Variants in DLGAP4 observed in about 807,000 individuals in gnomAD.
DLGAP4 encodes the protein DLG associated protein 4, also known as disks large-associated protein 4.
Under a neutral mutation model 86.9 loss-of-function variants are expected in DLGAP4, and 18 were observed. The ratio of observed to expected loss-of-function variants is 0.21; its 90% confidence interval spans 0.14 to 0.31. DLGAP4 has a LOEUF of 0.31. DLGAP4 is among the 10% of genes least tolerant of loss of function. The probability of loss-of-function intolerance (pLI) is 1.00; values close to 1 mark genes in which losing one functional copy is unlikely to be tolerated. For synonymous variants in DLGAP4, 548 were observed against 574.3 expected (o/e 0.95, Z 0.65); for missense variants, 1,085 against 1,362.6 (o/e 0.80, Z 3.21).
At chr20:36,422,600 G>A (rs1319890635) in intron 2 of DLGAP4, among the ~76,000 whole-genome samples, 2 of 152,184 alleles carry the variant, frequency 1.3e-5, no homozygotes, top group African/African-American at 4.8e-5. Flanking sequence ...TGAGTTTTGT[G>A]TCAGGAAGAG....
intron 7 of DLGAP4, among the ~76,000 whole-genome samples, chr20:36,454,680 C>T (rs1401892715): frequency 1.3e-5 from 2 of 152,206 alleles, no homozygotes; most frequent in Non-Finnish European, 2.9e-5. Context: ...TGAGCCCCCA[C>T]GTTGCTGAAG....
At chr20:36,349,168 C>T (rs1295236304) in intron 1 of DLGAP4, among the ~76,000 whole-genome samples, 1 of 142,568 alleles carries the variant, frequency 7.0e-6, no homozygotes, top group African/African-American at 2.6e-5. Flanking sequence ...CCTGTAATCC[C>T]AGCACTTTGG....
chr20:36,505,865 C>G (rs2036341824), intron 10 of DLGAP4, among the ~76,000 whole-genome samples: 1 of 151,994 alleles, frequency 6.6e-6, no homozygotes, highest in Non-Finnish European at 1.5e-5. Flanking sequence ...CTCCTTGTCT[C>G]CACATTGAGT....
intron 10 of DLGAP4, among the ~76,000 whole-genome samples, chr20:36,506,498 A>G (rs2036379865): frequency 6.6e-6 from 1 of 152,322 alleles, no homozygotes; most frequent in Admixed American, 6.5e-5. Flanking sequence ...ATGGAGTCAC[A>G]TAGCTCATGT....
intron 8 of DLGAP4, chr20:36,499,176 G>A (rs1287224913): frequency 7.0e-7 from 1 of 1,432,080 alleles, no homozygotes; most frequent in South Asian, 1.2e-5. Flanking sequence ...GTGGCTTTGT[G>A]TGTGTGTGTG....
intron 2 of DLGAP4, among the ~76,000 whole-genome samples, chr20:36,397,798 A>G (rs1221048691): frequency 6.6e-6 from 1 of 152,170 alleles, no homozygotes; most frequent in Non-Finnish European, 1.5e-5. Flanking sequence ...TTTCTTTGGT[A>G]TTCGTTGAGA....
At chr20:36,499,812 GCCCAGGCAT>G in intron 9 of DLGAP4, 136 bp downstream of exon 9, 2 of 480,010 alleles carry the variant, frequency 4.2e-6, no homozygotes, top group Non-Finnish European at 7.7e-6. Flanking sequence ...GCGGGTGGTG[GCCCAGGCAT>G]GGGAGGCTGG....
intron 2 of DLGAP4, among the ~76,000 whole-genome samples, chr20:36,427,803 C>T (rs550594983): frequency 7.3e-5 from 11 of 151,544 alleles, no homozygotes; most frequent in South Asian, 2.1e-4. Flanking sequence ...ATTAGCTGGG[C>T]GTGGTGGTGC....
intron 10 of DLGAP4, among the ~76,000 whole-genome samples, chr20:36,511,959 G>A (rs905967423): frequency 2.6e-5 from 4 of 151,468 alleles, no homozygotes; most frequent in Admixed American, 6.6e-5. Context: ...TCTTGTGTCC[G>A]GCAACCAAGA....
chr20:36,455,953 G>A (rs1254090153), intron 7 of DLGAP4, among the ~76,000 whole-genome samples: 1 of 152,188 alleles, frequency 6.6e-6, no homozygotes, highest in Admixed American at 6.5e-5. Context: ...AGGGCTAAGA[G>A]GAAACTCAAA....
In DLGAP4 at chr20:36,436,207, C is replaced by T. The variant is rs1211975836; in HGVS notation, c.1098C>T (p.Ser366=). The change falls in exon 4 of 13, where the codon AGC becomes AGT. Residue 366 remains serine (S), a synonymous_variant. Coordinates refer to ENST00000339266, the MANE Select transcript of DLGAP4 (RefSeq NM_001365621.2). ...CTATCCCGTGCCGGCGCATGCGCAG[C>T]GGCAGCTACATCAAGGCCATGGGCG... The part of the protein sequence containing the change: ...EGPIPCRRMR[S]GSYIKAMGDE... 2 of 1,603,632 alleles carry T rather than the reference C, an allele frequency of 1.2e-6. No individual in the cohort carries two copies. Among genetic ancestry groups the T allele is most frequent in the Middle Eastern group, 1.7e-4 (1 of 5,860 alleles).
intron 2 of DLGAP4, among the ~76,000 whole-genome samples, chr20:36,391,515 A>ACC (rs58097671): frequency 6.6e-6 from 1 of 151,714 alleles, no homozygotes; most frequent in African/African-American, 2.4e-5. Flanking sequence ...TTGAAGTCCC[A>ACC]CCCCCTGCAT....
At chr20:36,390,571 G>A (rs540637198) in intron 2 of DLGAP4, among the ~76,000 whole-genome samples, 2 of 152,182 alleles carry the variant, frequency 1.3e-5, no homozygotes, top group East Asian at 3.9e-4. Flanking sequence ...ATCCTGAGTG[G>A]GGGGGCATGC....
intron 1 of DLGAP4, among the ~76,000 whole-genome samples, chr20:36,348,336 C>T (rs1355351917): frequency 6.6e-6 from 1 of 152,240 alleles, no homozygotes; most frequent in East Asian, 1.9e-4. Flanking sequence ...TAAGCATTTA[C>T]TCTGAGCTAT....
At chr20:36,456,443 C>T (rs1306972223) in intron 7 of DLGAP4, among the ~76,000 whole-genome samples, 1 of 152,200 alleles carries the variant, frequency 6.6e-6, no homozygotes, top group Non-Finnish European at 1.5e-5. Flanking sequence ...AGGCCACTCA[C>T]AGGTTGGTGC....
At chr20:36,386,736 A>G (rs2031612849) in intron 2 of DLGAP4, among the ~76,000 whole-genome samples, 1 of 152,116 alleles carries the variant, frequency 6.6e-6, no homozygotes, top group African/African-American at 2.4e-5. Flanking sequence ...ATAGGTGTGC[A>G]CTACCATGCC....
intron 1 of DLGAP4, among the ~76,000 whole-genome samples, chr20:36,326,454 A>G (rs187403482): frequency 2.0e-5 from 3 of 152,320 alleles, no homozygotes; most frequent in East Asian, 1.9e-4. Flanking sequence ...AAGTGATATT[A>G]TATCAGTTCA....
At chr20:36,399,079 G>C (rs1286305185) in intron 2 of DLGAP4, among the ~76,000 whole-genome samples, 1 of 152,180 alleles carries the variant, frequency 6.6e-6, no homozygotes, top group Non-Finnish European at 1.5e-5. Flanking sequence ...TGTAATCCCA[G>C]CTACCTGGGA....
Position 36,517,370 on chromosome 20 carries a change from G to A in DLGAP4, c.2513-6880G>A, listed in dbSNP as rs1170718123. Among the ~76,000 whole-genome samples, 6 of 152,064 alleles carry A rather than the reference G, an allele frequency of 3.9e-5. No homozygotes were observed. In the East Asian group the frequency reaches 5.8e-4, roughly 15 times the overall value. On this transcript the variant is annotated intron_variant, in intron 10 of 12. Transcript: ENST00000339266. The stretch of plus-strand genomic sequence containing the variant: ...TCCAGTCTGGACAACAGAGCAAAGC[G>A]ATTCTCCTGCCTCAACCTCCCGAGT...
Sources: allele counts gnomAD v4.1 joint callset (sites outside exome capture counted in the v4.1 genomes callset), GRCh38; gene constraint gnomAD v4.1.1; transcripts MANE v1.5; gene names NCBI Gene and HGNC (gene_info 2026-07-23, HGNC 2026-07-21).